Variants in COL19A1 observed in about 807,000 individuals in gnomAD.
COL19A1 encodes the protein collagen alpha-1(XIX) chain.
Under a neutral mutation model 190.2 loss-of-function variants are expected in COL19A1, and 159 were observed. That is an observed-to-expected ratio of 0.84 (90% CI 0.73 to 0.95). The LOEUF is 0.95. Among genes scored for constraint, COL19A1 ranks in the 40% least tolerant of loss-of-function variants. The pLI is 0.00. For missense variants in COL19A1, 1,418 were observed against 1,431.9 expected (o/e 0.99, Z 0.16); for synonymous variants, 509 against 458.9 (o/e 1.11, Z -1.39).
intron 9 of COL19A1, among the ~76,000 whole-genome samples, chr6:69,959,715 G>A (rs1360093211): frequency 1.3e-5 from 2 of 152,158 alleles, no homozygotes; most frequent in Non-Finnish European, 2.9e-5. Flanking sequence ...GAAAAACATA[G>A]GCTGTAGGAG....
Position 69,962,873 on chromosome 6 carries a change from A to G in COL19A1, c.1026+3A>G. Reference sequence around the variant, plus strand: ...GCAAAGGAGAAACTGGTGAAAAGGTAAATATCTCTTTTTACATTCACATCT... The same window carrying G: ...GCAAAGGAGAAACTGGTGAAAAGGTGAATATCTCTTTTTACATTCACATCT... On this transcript the variant is annotated splice_donor_region_variant and intron_variant, in intron 11 of 50. Transcript: ENST00000620364. The G allele has an allele frequency of 4.4e-6, 7 of 1,603,874 alleles. No individual in the cohort carries two copies. The highest frequency in any genetic ancestry group is 6.0e-6 in the Non-Finnish European group (7 of 1,173,428).
chr6:69,944,815 G>A (rs943373308), intron 9 of COL19A1, among the ~76,000 whole-genome samples: 37 of 151,804 alleles, frequency 2.4e-4, no homozygotes, highest in African/African-American at 8.5e-4. Flanking sequence ...ATCTAGTTGT[G>A]ATCAGCATTC....
In COL19A1 at chr6:69,964,761, T is replaced by C. The variant is rs75018799; in HGVS notation, c.1026+1891T>C. On this transcript the variant is annotated intron_variant, in intron 11 of 50. Transcript: ENST00000620364. ...AAAGCATCAAACAGAAAAGACAATA[T>C]GTACCTTGAATGAGAATCCCAATTT... Among the ~76,000 whole-genome samples the C allele has an allele frequency of 5.5e-3, 833 of 152,290 alleles. 18 individuals carry two copies. The East Asian group carries it at 0.068, about 12-fold the overall frequency.
In COL19A1 at chr6:70,208,655, C is replaced by G. The variant is rs1017982408; in HGVS notation, c.*1381C>G. On this transcript the variant is annotated 3_prime_UTR_variant, in exon 51 of 51. Coordinates refer to ENST00000620364, the MANE Select transcript of COL19A1 (RefSeq NM_001858.6). ...CAGATGTGAGAACATGCTGCAAGAGCCTGCCAGCCACAGCAATCAGGACTC... is the reference window on the plus strand; with the variant it reads ...CAGATGTGAGAACATGCTGCAAGAGGCTGCCAGCCACAGCAATCAGGACTC... The G allele has an allele frequency of 6.6e-6, 1 of 152,640 alleles. No homozygotes were observed. Among genetic ancestry groups the G allele is most frequent in the East Asian group, 1.9e-4 (1 of 5,202 alleles). 9.5% of individuals were successfully genotyped at this position (152,640 alleles called of 1,614,324 possible).
At chr6:70,083,299 T>C (rs1782384890) in intron 15 of COL19A1, among the ~76,000 whole-genome samples, 1 of 152,218 alleles carries the variant, frequency 6.6e-6, no homozygotes, top group Non-Finnish European at 1.5e-5. Flanking sequence ...TTATGTGCCT[T>C]ATACACACTT....
At chr6:69,885,154 G>A (rs538667273) in intron 2 of COL19A1, among the ~76,000 whole-genome samples, 25 of 152,180 alleles carry the variant, frequency 1.6e-4, no homozygotes, top group Admixed American at 3.9e-4. Context: ...GTGAGCCACC[G>A]CGCTGGGCCC....
intron 12 of COL19A1, among the ~76,000 whole-genome samples, chr6:70,024,985 A>G (rs1778647994): frequency 6.6e-6 from 1 of 151,102 alleles, no homozygotes; most frequent in South Asian, 2.1e-4. Flanking sequence ...AGAGCAGATC[A>G]CTTCTCAGAG....
intron 10 of COL19A1, among the ~76,000 whole-genome samples, chr6:69,961,395 T>C (rs1774790004): frequency 6.6e-6 from 1 of 152,232 alleles, no homozygotes; most frequent in Admixed American, 6.5e-5. Context: ...GTACTGCATC[T>C]GCGAGTCAAG....
At chr6:70,142,727 T>G (rs764396935) in intron 22 of COL19A1, 40 bp from the exon 23 acceptor site, 2 of 1,566,010 alleles carry the variant, frequency 1.3e-6, no homozygotes, top group Non-Finnish European at 1.7e-6. Flanking sequence ...TTTTTTTTCT[T>G]TTTTAGCAAA....
intron 14 of COL19A1, among the ~76,000 whole-genome samples, chr6:70,038,955 G>A (rs955606716): frequency 6.6e-6 from 1 of 152,060 alleles, no homozygotes. Context: ...TACTTGGGAG[G>A]CTGAGTCAGG....
intron 5 of COL19A1, 152 bp from the exon 6 acceptor site, chr6:69,929,273 T>A: frequency 1.3e-6 from 1 of 763,544 alleles, no homozygotes; most frequent in South Asian, 1.9e-5. Flanking sequence ...TGTTCTTTTA[T>A]TTTAACAAAC....
intron 4 of COL19A1, among the ~76,000 whole-genome samples, chr6:69,906,952 C>T (rs2149981602): frequency 6.6e-6 from 1 of 152,250 alleles, no homozygotes; most frequent in Non-Finnish European, 1.5e-5. Flanking sequence ...TGGACTTTAA[C>T]AGTTCCCTTG....
intron 9 of COL19A1, among the ~76,000 whole-genome samples, chr6:69,941,108 A>C (rs1416296367): frequency 6.6e-6 from 1 of 152,152 alleles, no homozygotes; most frequent in East Asian, 1.9e-4. Context: ...AGGGAATCAG[A>C]TGTTGTTCTA....
intron 48 of COL19A1, among the ~76,000 whole-genome samples, chr6:70,195,136 GATATAT>G (rs202055762): frequency 0.058 from 7,913 of 135,990 alleles, 401 homozygotes; most frequent in African/African-American, 0.13. Flanking sequence ...CATCATTGAT[GATATAT>G]ATATATATAT....
intron 1 of COL19A1, among the ~76,000 whole-genome samples, chr6:69,868,604 A>C (rs902359897): frequency 6.6e-6 from 1 of 152,242 alleles, no homozygotes; most frequent in African/African-American, 2.4e-5. Context: ...GCAAAAGAGC[A>C]GGAAAGTGAA....
At chr6:69,869,577 A>G (rs899662515) in intron 1 of COL19A1, among the ~76,000 whole-genome samples, 15 of 152,230 alleles carry the variant, frequency 9.9e-5, no homozygotes, top group African/African-American at 3.6e-4. Flanking sequence ...AAAAAGGATG[A>G]ATTTGAAAAT....
intron 43 of COL19A1, 33 bp downstream of exon 43, chr6:70,180,389 C>T: frequency 6.2e-7 from 1 of 1,614,006 alleles, no homozygotes; most frequent in Non-Finnish European, 8.5e-7. Flanking sequence ...GACAGTTGTA[C>T]TTGTGTTGTA....
At chr6:69,935,948 T>C (rs1285020178) in intron 7 of COL19A1, among the ~76,000 whole-genome samples, 2 of 152,116 alleles carry the variant, frequency 1.3e-5, no homozygotes, top group Admixed American at 6.6e-5. Context: ...ATTTTAGTTT[T>C]GTATCCTGAA....
chr6:70,206,576 G>A (rs1253924070), intron 49 of COL19A1, among the ~76,000 whole-genome samples: 4 of 146,030 alleles, frequency 2.7e-5, no homozygotes, highest in African/African-American at 7.7e-5. Flanking sequence ...AGGTTGCAGT[G>A]AGCCAAGATA....
Sources: gnomAD v4.1 joint callset for allele counts (sites outside exome capture counted in the v4.1 genomes callset) on GRCh38, gnomAD v4.1.1 for gene constraint, MANE v1.5 for transcripts, NCBI Gene and HGNC (gene_info 2026-07-23, HGNC 2026-07-21) for gene names.